Variants in RALYL observed in about 807,000 individuals in gnomAD.
RALYL encodes RALY RNA binding protein like.
A neutral mutation model predicts 35.1 loss-of-function variants in RALYL; 29 were observed. The observed-to-expected ratio is 0.83, with a 90% CI of 0.61 to 1.13. The LOEUF (loss-of-function observed/expected upper bound fraction) is 1.13. Ranked by LOEUF, RALYL falls within the 50% of genes most tolerant of loss-of-function variation. The pLI, the probability that RALYL is intolerant of heterozygous loss-of-function variation, is 0.00. For synonymous variants in RALYL, 120 were observed against 127.6 expected, an observed-to-expected ratio of 0.94 and a Z score of 0.40; for missense variants, 359 against 360.4, an observed-to-expected ratio of 1.00 and a Z score of 0.03.
At chr8:84,809,555 G>A (rs1243466408) in intron 4 of RALYL, among the ~76,000 whole-genome samples, 2 of 152,056 alleles carry the variant, frequency 1.3e-5, no homozygotes, top group African/African-American at 4.8e-5. Context: ...TCAAAAGATA[G>A]GTACCAATTC....
intron 2 of RALYL, among the ~76,000 whole-genome samples, chr8:84,540,843 G>A (rs1240340587): frequency 6.6e-6 from 1 of 151,764 alleles, no homozygotes; most frequent in African/African-American, 2.4e-5. Context: ...TCATTGAAAA[G>A]TACTATTGAG....
Position 84,387,475 on chromosome 8 carries a change from C to G in RALYL, c.-23-141824C>G, listed in dbSNP as rs113005107. 1.3e-3 allele frequency among the ~76,000 whole-genome samples: 195 copies of G among 151,942 alleles called. 1 individual carries two copies. In the Middle Eastern group the frequency reaches 0.014, roughly 11 times the overall value. ...CCAGGCTGTACTTAATTCAGGTAAA[C>G]TTCAAAATCACTCCTCTCCCCTTAA... On this transcript the variant is annotated intron_variant, in intron 1 of 8. Transcript: ENST00000521268.
At chr8:84,360,971 A>G (rs916037334) in intron 1 of RALYL, among the ~76,000 whole-genome samples, 7 of 151,856 alleles carry the variant, frequency 4.6e-5, no homozygotes, top group African/African-American at 7.3e-5. Context: ...AGAAAAAAAA[A>G]AAAAAAGAAA....
At chr8:84,301,660 A>G (rs978662335) in intron 1 of RALYL, among the ~76,000 whole-genome samples, 1 of 152,130 alleles carries the variant, frequency 6.6e-6, no homozygotes, top group African/African-American at 2.4e-5. Context: ...TTGTACATCC[A>G]TAGGGGAAAA....
At chr8:84,586,151 T>C (rs1811949106) in intron 2 of RALYL, among the ~76,000 whole-genome samples, 1 of 149,664 alleles carries the variant, frequency 6.7e-6, no homozygotes, top group Non-Finnish European at 1.5e-5. Flanking sequence ...GCCAAGATCA[T>C]GCCACTGCAC....
At chr8:84,393,886 G>T (rs1447930726) in intron 1 of RALYL, among the ~76,000 whole-genome samples, 1 of 152,006 alleles carries the variant, frequency 6.6e-6, no homozygotes, top group Admixed American at 6.6e-5. Flanking sequence ...CAAATAGTAA[G>T]CATGCAAATA....
chr8:84,782,484 A>T lies in RALYL; in HGVS notation c.332+7830A>T, dbSNP rs185782342. ...ATTTCACATCATTCTTACAGTTGGC[A>T]GGTGCCAATGAAGACAGGCAACTGA... On this transcript the variant is annotated intron_variant, in intron 3 of 8. Transcript: ENST00000521268. 2.8e-3 allele frequency among the ~76,000 whole-genome samples: 433 copies of T among 152,360 alleles called. 3 individuals are homozygous for T. Among genetic ancestry groups the T allele is most frequent in the African/African-American group, 9.6e-3 (400 of 41,590 alleles).
At chr8:84,358,088 G>C (rs1852227289) in intron 1 of RALYL, among the ~76,000 whole-genome samples, 1 of 151,772 alleles carries the variant, frequency 6.6e-6, no homozygotes, top group Non-Finnish European at 1.5e-5. Flanking sequence ...AGGTAAATTA[G>C]AATTATTCAC....
At chr8:84,694,811 C>T (rs940596728) in intron 2 of RALYL, among the ~76,000 whole-genome samples, 4 of 151,788 alleles carry the variant, frequency 2.6e-5, no homozygotes, top group African/African-American at 9.6e-5. Flanking sequence ...CCAGAAACAC[C>T]GGAATAGGCT....
chr8:84,402,818 A>C (rs2043048609), intron 1 of RALYL, among the ~76,000 whole-genome samples: 1 of 152,060 alleles, frequency 6.6e-6, no homozygotes, highest in Admixed American at 6.5e-5. Flanking sequence ...CCTCTCCAGC[A>C]CCTGTTGTTT....
At chr8:84,563,022 T>C (rs2061562944) in intron 2 of RALYL, among the ~76,000 whole-genome samples, 1 of 151,946 alleles carries the variant, frequency 6.6e-6, no homozygotes, top group South Asian at 2.1e-4. Context: ...GCAGTCACTC[T>C]TACATGGGCA....
intron 1 of RALYL, among the ~76,000 whole-genome samples, chr8:84,248,036 A>G (rs1829456319): frequency 6.6e-6 from 1 of 152,186 alleles, no homozygotes; most frequent in African/African-American, 2.4e-5. Context: ...ATAAATTTTA[A>G]TCATGATAAT....
intron 1 of RALYL, among the ~76,000 whole-genome samples, chr8:84,502,704 G>A (rs1421460451): frequency 6.6e-6 from 1 of 151,742 alleles, no homozygotes; most frequent in African/African-American, 2.4e-5. Flanking sequence ...AATTTATAAT[G>A]AGACAAAACA....
chr8:84,448,856 G>A (rs182905011), intron 1 of RALYL, among the ~76,000 whole-genome samples: 14 of 151,940 alleles, frequency 9.2e-5, no homozygotes, highest in African/African-American at 3.4e-4. Flanking sequence ...TAGGTGTTCT[G>A]GTCATGCTAG....
chr8:84,562,676 C>T (rs2061540660), intron 2 of RALYL, among the ~76,000 whole-genome samples: 1 of 146,322 alleles, frequency 6.8e-6, no homozygotes, highest in South Asian at 2.1e-4. Context: ...AACTAACAAC[C>T]TTCTTGCTAT....
chr8:84,862,926 AGATAT>A (rs1838409812), intron 6 of RALYL, among the ~76,000 whole-genome samples: 1 of 152,230 alleles, frequency 6.6e-6, no homozygotes. Flanking sequence ...AATTATGATA[AGATAT>A]ATGTATCTGA....
intron 1 of RALYL, among the ~76,000 whole-genome samples, chr8:84,344,794 A>G (rs1049359563): frequency 3.9e-5 from 6 of 151,982 alleles, no homozygotes; most frequent in Non-Finnish European, 7.4e-5. Context: ...GATGAGTGGT[A>G]TTTGTCTTTA....
intron 1 of RALYL, among the ~76,000 whole-genome samples, chr8:84,477,425 C>T (rs999361145): frequency 6.7e-5 from 10 of 148,836 alleles, no homozygotes; most frequent in African/African-American, 2.4e-4. Context: ...ATATAATGCT[C>T]ATTATTTCTG....
chr8:84,345,203 C>A (rs1259973280), intron 1 of RALYL, among the ~76,000 whole-genome samples: 1 of 151,100 alleles, frequency 6.6e-6, no homozygotes, highest in Non-Finnish European at 1.5e-5. Flanking sequence ...TACATTGTTA[C>A]ACATCTGGGA....
Sources: allele counts gnomAD v4.1 joint callset (sites outside exome capture counted in the v4.1 genomes callset), GRCh38; gene constraint gnomAD v4.1.1; transcripts MANE v1.5; gene names NCBI Gene and HGNC (gene_info 2026-07-23, HGNC 2026-07-21).